The following CFAP47 variants were observed in gnomAD, a reference collection of about 807,000 sequenced individuals.
CFAP47 encodes cilia and flagella associated protein 47, also known as cilia- and flagella-associated protein 47.
A neutral mutation model predicts 148.1 loss-of-function variants in CFAP47; 29 were observed. That is an observed-to-expected ratio of 0.20 (90% CI 0.15 to 0.27). The LOEUF is 0.27. CFAP47 is among the 10% of genes least tolerant of loss of function. CFAP47 has a pLI of 1.00. For synonymous variants in CFAP47, 664 were observed against 577.3 expected, an observed-to-expected ratio of 1.15 and a Z score of -2.15; for missense variants, 1,872 against 1,697.5, an observed-to-expected ratio of 1.10 and a Z score of -1.81.
At position 35,924,073 on chromosome X, in the gene CFAP47, A is replaced by G. The variant is rs187259807; in HGVS notation, c.250-1944A>G. ...TGTACATGTATGCGCACATATATGT[A>G]TATATGTACATGTATGCGTACATAT... On this transcript the variant is annotated intron_variant, in intron 1 of 63. Coordinates refer to ENST00000378653, the MANE Select transcript of CFAP47 (RefSeq NM_001304548.2). 5.9e-4 allele frequency among the ~76,000 whole-genome samples: 56 copies of G among 95,406 alleles called. 1 individual carries two copies. The highest frequency in any genetic ancestry group is 1.9e-3 in the South Asian group (4 of 2,139). The allele number at this position is 95,406 out of a possible 115,157, so 82.8% of individuals were successfully genotyped here.
intron 25 of CFAP47, among the ~76,000 whole-genome samples, chrX:36,044,421 G>A (rs750669224): frequency 3.8e-4 from 43 of 112,393 alleles, no homozygotes; most frequent in Non-Finnish European, 5.6e-4. Context: ...CCATCTCTTC[G>A]TGTATGCATA....
chrX:36,318,706 A>G (rs1219778951), intron 56 of CFAP47, among the ~76,000 whole-genome samples: 5 of 112,278 alleles, frequency 4.5e-5, no homozygotes, highest in African/African-American at 1.6e-4. Context: ...TATGGAACCC[A>G]TGGATACAGA....
intron 21 of CFAP47, among the ~76,000 whole-genome samples, chrX:36,009,937 T>G (rs1289344269): frequency 9.0e-6 from 1 of 111,613 alleles, no homozygotes; most frequent in Non-Finnish European, 1.9e-5. Flanking sequence ...TGAGAAGTAC[T>G]ATTATTCTTC....
In CFAP47 at chrX:36,282,016, C is replaced by T. The variant is rs183650013; in HGVS notation, c.7588+1386C>T. Among the ~76,000 whole-genome samples the T allele has an allele frequency of 1.1e-3, 121 of 109,698 alleles. 1 individual carries two copies. Among genetic ancestry groups the T allele is most frequent in the African/African-American group, 3.9e-3 (118 of 30,240 alleles). ...ATTCTAAAAAATAATAATAAGAGTTCGTTTGTATTTTGGTCAATAGAAAAA... is the reference window on the plus strand; with the variant it reads ...ATTCTAAAAAATAATAATAAGAGTTTGTTTGTATTTTGGTCAATAGAAAAA... On this transcript the variant is annotated intron_variant, in intron 50 of 63. Transcript: ENST00000378653.
chrX:36,320,261 A>T (rs1215075190), intron 57 of CFAP47, among the ~76,000 whole-genome samples: 1 of 112,517 alleles, frequency 8.9e-6, no homozygotes, highest in Non-Finnish European at 1.9e-5. Flanking sequence ...AATGTTTTAA[A>T]AATATAAAAC....
intron 43 of CFAP47, among the ~76,000 whole-genome samples, chrX:36,200,939 C>CT (rs1223077147): frequency 1.2e-4 from 13 of 107,030 alleles, no homozygotes; most frequent in East Asian, 8.8e-4. Flanking sequence ...TGACAGGTGT[C>CT]TTTTTTTTTT....
At chrX:36,363,469 T>G (rs1359236333) in intron 61 of CFAP47, among the ~76,000 whole-genome samples, 1 of 111,738 alleles carries the variant, frequency 8.9e-6, no homozygotes, top group African/African-American at 3.2e-5. Flanking sequence ...CATACAGTAT[T>G]ATAATCATAT....
chrX:36,364,504 T>C (rs1556019845), intron 61 of CFAP47, among the ~76,000 whole-genome samples: 1 of 109,618 alleles, frequency 9.1e-6, no homozygotes, highest in East Asian at 2.8e-4. Context: ...CTTTAAAGGA[T>C]GCACATCAGA....
intron 22 of CFAP47, among the ~76,000 whole-genome samples, 188 bp from the exon 23 acceptor site, chrX:36,031,065 G>A (rs1369397199): frequency 9.1e-6 from 1 of 109,929 alleles, no homozygotes. Context: ...AGGGAACTTT[G>A]TTAATTCAAT....
At position 35,928,589 on chromosome X, in the gene CFAP47, C is replaced by T. The variant is rs1411712994; in HGVS notation, c.401+2421C>T. On this transcript the variant is annotated intron_variant, in intron 2 of 63. Transcript: ENST00000378653. ...GTTATGTGGCTTGCAAATATGTTCT[C>T]CCAGTTTGAGGTTTGACTTTTCATC... Among the ~76,000 whole-genome samples, 6 of 110,751 alleles carry T rather than the reference C, an allele frequency of 5.4e-5. No homozygotes were observed. In the South Asian group the frequency reaches 2.3e-3, roughly 42 times the overall value.
intron 29 of CFAP47, among the ~76,000 whole-genome samples, chrX:36,079,082 C>G (rs190428023): frequency 4.4e-4 from 49 of 111,481 alleles, no homozygotes; most frequent in African/African-American, 1.6e-3. Flanking sequence ...GTGGGTAACC[C>G]GACCTTTCTC....
chrX:36,191,922 G>T (rs1248688920), intron 42 of CFAP47, among the ~76,000 whole-genome samples: 1 of 110,867 alleles, frequency 9.0e-6, no homozygotes, highest in Admixed American at 9.7e-5. Flanking sequence ...GGTGGAGGCT[G>T]CAGTGAGCCG....
At chrX:36,290,736 A>G (rs1013021301) in intron 51 of CFAP47, among the ~76,000 whole-genome samples, 1 of 112,533 alleles carries the variant, frequency 8.9e-6, no homozygotes, top group Admixed American at 9.4e-5. Flanking sequence ...CCCCTAAAGG[A>G]CACAGCAGAA....
At position 36,165,301 on chromosome X, in the gene CFAP47, C is replaced by G. The variant is rs757501531; in HGVS notation, c.6026+4532C>G. Reference sequence around the variant, plus strand: ...TCTTTTTGTTTGTTTCTCTATTAGTCCATGACTTCTTTTTTTAATAATAGT... The same window carrying G: ...TCTTTTTGTTTGTTTCTCTATTAGTGCATGACTTCTTTTTTTAATAATAGT... On this transcript the variant is annotated intron_variant, in intron 39 of 63. Transcript: ENST00000378653. Among the ~76,000 whole-genome samples the G allele has an allele frequency of 1.2e-4, 13 of 111,353 alleles. No homozygotes were observed. The East Asian group carries it at 3.7e-3, about 31-fold the overall frequency.
At chrX:36,281,801 A>G (rs1861315311) in intron 50 of CFAP47, among the ~76,000 whole-genome samples, 1 of 111,931 alleles carries the variant, frequency 8.9e-6, no homozygotes, top group African/African-American at 3.2e-5. Context: ...GGAATATTCA[A>G]AATGATTTGG....
intron 54 of CFAP47, among the ~76,000 whole-genome samples, chrX:36,304,953 C>T (rs1340978290): frequency 9.1e-6 from 1 of 109,826 alleles, no homozygotes; most frequent in East Asian, 2.8e-4. Flanking sequence ...TTACAATAGA[C>T]TGTTTTTATC....
At chrX:35,958,545 T>A (rs1302083835) in intron 8 of CFAP47, among the ~76,000 whole-genome samples, 1 of 111,948 alleles carries the variant, frequency 8.9e-6, no homozygotes, top group Non-Finnish European at 1.9e-5. Context: ...CACTTGTTAA[T>A]GTACTTCTTT....
intron 7 of CFAP47, 72 bp from the exon 8 acceptor site, chrX:35,955,889 A>C: frequency 8.6e-7 from 1 of 1,168,424 alleles, no homozygotes; most frequent in Non-Finnish European, 1.1e-6. Context: ...TCAGACAACA[A>C]ATAGACTAAG....
chrX:36,020,603 T>C (rs1220156914), intron 22 of CFAP47, among the ~76,000 whole-genome samples: 1 of 112,214 alleles, frequency 8.9e-6, no homozygotes, highest in Non-Finnish European at 1.9e-5. Flanking sequence ...TCTTTGTCTC[T>C]TCTTATAGTT....
Sources: allele counts gnomAD v4.1 joint callset (sites outside exome capture counted in the v4.1 genomes callset), GRCh38; gene constraint gnomAD v4.1.1; transcripts MANE v1.5; gene names NCBI Gene and HGNC (gene_info 2026-07-23, HGNC 2026-07-21).